Variants in DDX46 observed in about 807,000 individuals in gnomAD.
DDX46 encodes the protein probable ATP-dependent RNA helicase DDX46.
A neutral mutation model predicts 134.9 loss-of-function variants in DDX46; 30 were observed. The observed-to-expected ratio is 0.22, with a 90% CI of 0.17 to 0.30. The LOEUF (loss-of-function observed/expected upper bound fraction) is 0.30, where lower values mean the gene tolerates loss of function less well. Among genes scored for constraint, DDX46 ranks in the 10% least tolerant of loss-of-function variants. DDX46 has a pLI of 1.00. For synonymous variants in DDX46, 415 were observed against 404.1 expected (o/e 1.03, Z -0.32); for missense variants, 622 against 1,248.7 (o/e 0.50, Z 7.56).
At chr5:134,821,616 G>A (rs1755454905) in intron 21 of DDX46, among the ~76,000 whole-genome samples, 1 of 150,754 alleles carries the variant, frequency 6.6e-6, no homozygotes, top group Non-Finnish European at 1.5e-5. Flanking sequence ...CACTGCAACG[G>A]CGCAATTTTG....
At chr5:134,783,829 G>T (rs1032184073) in intron 9 of DDX46, among the ~76,000 whole-genome samples, 13 of 150,344 alleles carry the variant, frequency 8.6e-5, no homozygotes, top group Admixed American at 2.7e-4. Flanking sequence ...GATTACAGGC[G>T]TGAGCCACCA....
chr5:134,790,121 A>C (rs1302029403), intron 12 of DDX46: 2 of 476,482 alleles, frequency 4.2e-6, no homozygotes, highest in East Asian at 1.3e-4. Context: ...GCTGTCAGAT[A>C]ATGGCTGATG....
At chr5:134,785,232 G>A (rs1754296070) in intron 10 of DDX46, among the ~76,000 whole-genome samples, 1 of 152,124 alleles carries the variant, frequency 6.6e-6, no homozygotes, top group Non-Finnish European at 1.5e-5. Context: ...GGTTGGATGA[G>A]GCATTTAACT....
chr5:134,769,798 C>T (rs542366644), intron 3 of DDX46, among the ~76,000 whole-genome samples: 4 of 152,222 alleles, frequency 2.6e-5, no homozygotes, highest in South Asian at 2.1e-4. Flanking sequence ...CCACCTGCCT[C>T]GGCCTCACAG....
At chr5:134,776,988 G>A (rs1480338425) in intron 5 of DDX46, among the ~76,000 whole-genome samples, 1 of 151,772 alleles carries the variant, frequency 6.6e-6, no homozygotes, top group Non-Finnish European at 1.5e-5. Flanking sequence ...CGAGGCGGGC[G>A]GATCACGAGG....
intron 15 of DDX46, among the ~76,000 whole-genome samples, chr5:134,800,817 C>T (rs529369882): frequency 2.3e-4 from 35 of 152,036 alleles, no homozygotes; most frequent in African/African-American, 8.2e-4. Context: ...CTGGGATTAC[C>T]GGCATGTGCC....
chr5:134,788,383 C>G, intron 11 of DDX46, 130 bp from the exon 12 acceptor site: 1 of 645,122 alleles, frequency 1.6e-6, no homozygotes, highest in Admixed American at 3.0e-5. Flanking sequence ...AGTAGTGCCC[C>G]GAGATTCAAA....
chr5:134,785,315 T>C lies in DDX46; in HGVS notation c.1343-150T>C, dbSNP rs148573342. 6.4e-4 allele frequency: 577 copies of C among 904,412 alleles called. No homozygotes were observed. The African/African-American group carries it at 8.4e-3, about 13-fold the overall frequency. The allele number at this position is 904,412 out of a possible 1,614,324, so 56.0% of individuals were successfully genotyped here. ...TCCTTCCCCACAACCTCTGCTGTTA[T>C]ACAACTTTTGAAATAGTTTTCAGGG... On this transcript the variant is annotated intron_variant, in intron 10 of 22. Coordinates refer to ENST00000452510, the MANE Select transcript of DDX46 (RefSeq NM_001300860.2).
chr5:134,772,787 T>G (rs181363565), intron 4 of DDX46, among the ~76,000 whole-genome samples: 1 of 152,220 alleles, frequency 6.6e-6, no homozygotes, highest in Non-Finnish European at 1.5e-5. Context: ...ATTACAAGCA[T>G]GAGCCACCGT....
intron 1 of DDX46, among the ~76,000 whole-genome samples, chr5:134,760,910 T>A (rs1006119839): frequency 9.2e-5 from 14 of 152,078 alleles, no homozygotes; most frequent in Non-Finnish European, 1.6e-4. Flanking sequence ...TTGTATTTTT[T>A]AGTAGAGACG....
chr5:134,768,211 G>A (rs1200805519), intron 3 of DDX46, among the ~76,000 whole-genome samples: 4 of 151,574 alleles, frequency 2.6e-5, no homozygotes, highest in East Asian at 2.0e-4. Context: ...CCGGGTTCAA[G>A]TAATTCTCTT....
intron 5 of DDX46, 66 bp from the exon 6 acceptor site, chr5:134,777,508 T>TAG: frequency 6.3e-7 from 1 of 1,575,416 alleles, no homozygotes; most frequent in South Asian, 1.1e-5. Context: ...AGGTGGGGTG[T>TAG]GGTCTGATTG....
At position 134,766,938 on chromosome 5, in the gene DDX46, A is replaced by G. The variant is rs1753586734; in HGVS notation, c.228A>G (p.Arg76=). The G allele has an allele frequency of 2.5e-6, 4 of 1,613,692 alleles. No homozygotes were observed. The highest frequency in any genetic ancestry group is 3.4e-6 in the Non-Finnish European group (4 of 1,179,906). The change falls in exon 3 of 23, where the codon AGA becomes AGG. Residue 76 remains arginine (R), a synonymous_variant. Coordinates refer to ENST00000452510, the MANE Select transcript of DDX46 (RefSeq NM_001300860.2). The part of the protein sequence containing the change: ...KRLRRSRSRE[R]DRSRERRRSR... Reference sequence around the variant, plus strand: ...TCAGACGTTCCAGAAGTAGAGAGAGAGACAGAAGCCGAGAGCGAAGAAGAT... The same window carrying G: ...TCAGACGTTCCAGAAGTAGAGAGAGGGACAGAAGCCGAGAGCGAAGAAGAT...
At chr5:134,824,723 T>G (rs1342182448) in intron 21 of DDX46, among the ~76,000 whole-genome samples, 4 of 152,218 alleles carry the variant, frequency 2.6e-5, no homozygotes. Flanking sequence ...AACTCCGAAC[T>G]CAACTAAACA....
At position 134,816,474 on chromosome 5, in the gene DDX46, A is replaced by C. The variant is rs189254962; in HGVS notation, c.2481A>C (p.Val827=). The C allele has an allele frequency of 5.1e-4, 821 of 1,613,206 alleles. 3 individuals carry two copies. The highest frequency in any genetic ancestry group is 4.3e-5 in the Non-Finnish European group (51 of 1,179,692). ...IESMFNSKKR[V]KDMAAPGTSS... ...GCATGTTTAATTCAAAGAAGAGAGT[A>C]AAGGATATGGCTGCTCCTGGAACAT... The change falls in exon 19 of 23, where the codon GTA becomes GTC. Residue 827 remains valine (V), a synonymous_variant. Coordinates refer to ENST00000452510, the MANE Select transcript of DDX46 (RefSeq NM_001300860.2).
intron 16 of DDX46, among the ~76,000 whole-genome samples, chr5:134,810,575 TC>T (rs1755113791): frequency 6.6e-6 from 1 of 150,466 alleles, no homozygotes; most frequent in African/African-American, 2.4e-5. Context: ...CCTTCTGACC[TC>T]AAATGATCCA....
At chr5:134,784,015 G>T (rs561266703) in intron 9 of DDX46, among the ~76,000 whole-genome samples, 7 of 151,980 alleles carry the variant, frequency 4.6e-5, no homozygotes, top group Non-Finnish European at 1.0e-4. Context: ...ATCCCAAAAA[G>T]AAACTTTTGT....
intron 12 of DDX46, chr5:134,790,232 A>C: frequency 1.6e-6 from 1 of 607,152 alleles, no homozygotes; most frequent in Non-Finnish European, 3.1e-6. Context: ...GGTATGCAAG[A>C]GACGAGTTTG....
chr5:134,800,696 G>A (rs1271935146), intron 15 of DDX46, among the ~76,000 whole-genome samples: 1 of 152,050 alleles, frequency 6.6e-6, no homozygotes, highest in Non-Finnish European at 1.5e-5. Context: ...TGTTTTTGAG[G>A]CAGAGTTTTG....
Sources: gnomAD v4.1 joint callset for allele counts (sites outside exome capture counted in the v4.1 genomes callset) on GRCh38, gnomAD v4.1.1 for gene constraint, MANE v1.5 for transcripts, NCBI Gene and HGNC (gene_info 2026-07-23, HGNC 2026-07-21) for gene names.